ZNF415: variants seen among roughly 807,000 people sequenced by gnomAD.
ZNF415 encodes the protein zinc finger protein 415.
In ZNF415, 5 loss-of-function variants were observed where a neutral mutation model predicts 7.3. That is an observed-to-expected ratio of 0.69 (90% CI 0.36 to 1.44). The LOEUF (loss-of-function observed/expected upper bound fraction) is 1.44. Ranked by LOEUF, ZNF415 falls within the 40% of genes most tolerant of loss-of-function variation. ZNF415 has a pLI of 0.04. For synonymous variants in ZNF415, 207 were observed against 226.3 expected (o/e 0.91, Z 0.77); for missense variants, 628 against 664.8 (o/e 0.94, Z 0.61).
intron 2 of ZNF415, 86 bp from the exon 3 acceptor site, chr19:53,116,519 T>C: frequency 1.3e-6 from 2 of 1,548,758 alleles, no homozygotes; most frequent in Non-Finnish European, 1.8e-6. Flanking sequence ...AAAGAGAATT[T>C]AAGTATAGAT....
chr19:53,116,227 A>T, intron 3 of ZNF415, 86 bp downstream of exon 3: 1 of 1,466,988 alleles, frequency 6.8e-7, no homozygotes, highest in Non-Finnish European at 9.2e-7. Flanking sequence ...TCAGTCAGGT[A>T]ATGCAGGGGC....
At chr19:53,116,581 A>G in intron 2 of ZNF415, 148 bp from the exon 3 acceptor site, 1 of 1,030,354 alleles carries the variant, frequency 9.7e-7, no homozygotes, top group Non-Finnish European at 1.4e-6. Context: ...TTTTGAGTAC[A>G]TATCTCTCCC....
rs1483001877 is a variant in ZNF415 at position 53,109,666 on chromosome 19, T to G, written c.379A>C (p.Arg127=). Residue 127 remains arginine (R), a synonymous_variant, in exon 4 of 4, where the codon AGA becomes CGA. Coordinates refer to ENST00000243643, the MANE Select transcript of ZNF415 (RefSeq NM_018355.4). ...ATAGACTTGTTTCCTATACCTCTTC[T>G]ATCGCGTTGGTCTCTCCTACAAGTA... ...NLTCRRDQRD[R]RGIGNKSIKH... is the part of the protein sequence containing the mutation. 6.2e-7 allele frequency: 1 copy of G among 1,614,042 alleles called. No homozygotes were observed. The highest frequency in any genetic ancestry group is 1.3e-5 in the African/African-American group (1 of 74,930).
At chr19:53,118,023 T>A (rs953620782) in intron 2 of ZNF415, among the ~76,000 whole-genome samples, 2 of 152,108 alleles carry the variant, frequency 1.3e-5, no homozygotes, top group East Asian at 3.9e-4. Context: ...CTGGCTAAAT[T>A]GATACAAGCG....
At chr19:53,129,018 A>C (rs565654023) in intron 1 of ZNF415, among the ~76,000 whole-genome samples, 1 of 146,560 alleles carries the variant, frequency 6.8e-6, no homozygotes, top group South Asian at 2.4e-4. Flanking sequence ...TGTGATAGAG[A>C]GTGACGGGCA....
chr19:53,130,066 C>CAAAAAAAAAAAA (rs11314090), intron 1 of ZNF415, among the ~76,000 whole-genome samples: 1 of 123,458 alleles, frequency 8.1e-6, no homozygotes. Context: ...CTCCAGCTCA[C>CAAAAAAAAAAAA]AAAAAAAAAA....
At chr19:53,132,626 G>A (rs1178593335) in intron 1 of ZNF415, 1 of 152,384 alleles carries the variant, frequency 6.6e-6, no homozygotes, top group Non-Finnish European at 1.5e-5. Flanking sequence ...GATGGGGGAG[G>A]GGGTCAGGAA....
intron 3 of ZNF415, among the ~76,000 whole-genome samples, chr19:53,112,010 C>T (rs1349173748): frequency 1.3e-5 from 2 of 151,664 alleles, no homozygotes; most frequent in South Asian, 2.1e-4. Flanking sequence ...GGTGTGATCT[C>T]GGCTCACTGC....
At chr19:53,132,360 A>G (rs561373246) in intron 1 of ZNF415, among the ~76,000 whole-genome samples, 21 of 152,094 alleles carry the variant, frequency 1.4e-4, no homozygotes, top group Admixed American at 2.6e-4. Flanking sequence ...ACAGGCCCTG[A>G]GCACCTCCCC....
In ZNF415 at chr19:53,108,023, T is replaced by C. The variant is rs967354128; in HGVS notation, c.*354A>G. On this transcript the variant is annotated 3_prime_UTR_variant, in exon 4 of 4. Coordinates refer to ENST00000243643, the MANE Select transcript of ZNF415 (RefSeq NM_018355.4). ...ATTATTCCTCACATAAATCCTTGGA[T>C]GTGTTACAGTTTTGATCCTTGGTTA... The C allele has an allele frequency of 1.8e-5, 4 of 226,172 alleles. No individual in the cohort carries two copies. In the Admixed American group the frequency reaches 2.0e-4, roughly 11 times the overall value. 14.0% of individuals were successfully genotyped at this position (226,172 alleles called of 1,614,324 possible). A position where few individuals can be genotyped will look rare whatever the true frequency, so the allele number is the denominator to read the frequency against.
intron 1 of ZNF415, chr19:53,129,798 C>A (rs1006323388): frequency 9.5e-5 from 37 of 391,200 alleles, no homozygotes; most frequent in Middle Eastern, 6.5e-4. Flanking sequence ...GGCATGTTGG[C>A]TCGTGCCTGT....
chr19:53,124,821 T>C (rs971418676), intron 1 of ZNF415, among the ~76,000 whole-genome samples: 4 of 151,772 alleles, frequency 2.6e-5, no homozygotes, highest in Non-Finnish European at 5.9e-5. Flanking sequence ...AAAGAAAATC[T>C]CCAGAGACAA....
chr19:53,125,721 C>T (rs757748769), intron 1 of ZNF415, among the ~76,000 whole-genome samples: 38 of 152,034 alleles, frequency 2.5e-4, no homozygotes, highest in Non-Finnish European at 5.0e-4. Context: ...AAGCAGATCA[C>T]GAGGTCGGGA....
intron 2 of ZNF415, 112 bp from the exon 3 acceptor site, chr19:53,116,545 G>T: frequency 7.2e-7 from 1 of 1,388,396 alleles, no homozygotes; most frequent in Non-Finnish European, 1.0e-6. Flanking sequence ...TGAAGTGTGT[G>T]TTCTGATAAA....
chr19:53,120,538 T>C (rs570265071), intron 2 of ZNF415, among the ~76,000 whole-genome samples: 9 of 152,194 alleles, frequency 5.9e-5, no homozygotes, highest in African/African-American at 2.2e-4. Flanking sequence ...ATACTCTATA[T>C]CTAAGCACTA....
At chr19:53,125,584 C>T (rs2088925836) in intron 1 of ZNF415, among the ~76,000 whole-genome samples, 1 of 152,084 alleles carries the variant, frequency 6.6e-6, no homozygotes, top group Admixed American at 6.6e-5. Context: ...AGCGTCCTGT[C>T]TCAGCCTCTG....
intron 1 of ZNF415, among the ~76,000 whole-genome samples, chr19:53,124,678 C>T (rs867304189): frequency 2.1e-4 from 32 of 152,098 alleles, no homozygotes; most frequent in African/African-American, 7.2e-4. Flanking sequence ...AGGAACAGAC[C>T]ATTCCCAGTC....
chr19:53,109,506 A>G lies in ZNF415; in HGVS notation c.539T>C (p.Ile180Thr). The G allele has an allele frequency of 6.2e-7, 1 of 1,614,042 alleles. No individual in the cohort carries two copies. Residue 180 changes from isoleucine (I) to threonine (T), a missense_variant, in exon 4 of 4, where the codon ATA (isoleucine) becomes ACA (threonine). Ile to Thr is a moderately conservative substitution (Grantham distance 89). Transcript: ENST00000243643. ...ATGGGTTTTGATGGTAGAAGAAATT[A>G]TTTGGGGTGGTGAAACTGAGGAACC... ...NHGSSVSPPQ[I>T]ISSTIKTHVS...
At chr19:53,117,882 A>G (rs947878194) in intron 2 of ZNF415, among the ~76,000 whole-genome samples, 6 of 152,200 alleles carry the variant, frequency 3.9e-5, no homozygotes, top group Non-Finnish European at 8.8e-5. Flanking sequence ...CCACAATGAA[A>G]AACAATTAGA....
Sources: allele counts gnomAD v4.1 joint callset (sites outside exome capture counted in the v4.1 genomes callset), GRCh38; gene constraint gnomAD v4.1.1; transcripts MANE v1.5; gene names NCBI Gene and HGNC (gene_info 2026-07-23, HGNC 2026-07-21).